Variants in PCCA observed in about 807,000 individuals in gnomAD.
PCCA encodes the protein propionyl-CoA carboxylase alpha chain, mitochondrial.
A neutral mutation model predicts 101.3 loss-of-function variants in PCCA; 74 were observed. The observed-to-expected ratio is 0.73, with a 90% CI of 0.61 to 0.89. The LOEUF (loss-of-function observed/expected upper bound fraction) is 0.89, where lower values mean the gene tolerates loss of function less well. Among genes scored for constraint, PCCA ranks in the 40% least tolerant of loss-of-function variants. The pLI is 0.00. For synonymous variants in PCCA, 294 were observed against 313.6 expected, an observed-to-expected ratio of 0.94 and a Z score of 0.66; for missense variants, 891 against 907.0, an observed-to-expected ratio of 0.98 and a Z score of 0.23.
chr13:100,431,347 G>A lies in PCCA; in HGVS notation c.1845+5616G>A, dbSNP rs902463972. Among the ~76,000 whole-genome samples, 23 of 151,898 alleles carry A rather than the reference G, an allele frequency of 1.5e-4. No homozygotes were observed. The East Asian group carries it at 2.7e-3, about 18-fold the overall frequency. On this transcript the variant is annotated intron_variant, in intron 20 of 23. Transcript: ENST00000376285. ...TCCTGCGTTATGGCTCCTTTTTGTC[G>A]TATGTGTTGATAAAGTAGCTTCTGT...
chr13:100,349,198 A>G (rs1229435899), intron 18 of PCCA, among the ~76,000 whole-genome samples: 1 of 151,808 alleles, frequency 6.6e-6, no homozygotes, highest in Non-Finnish European at 1.5e-5. Flanking sequence ...ATCTCAGCTC[A>G]CCGCAACCTC....
chr13:100,261,333 G>A (rs1594982908), intron 9 of PCCA, among the ~76,000 whole-genome samples: 4 of 151,700 alleles, frequency 2.6e-5, no homozygotes, highest in African/African-American at 9.7e-5. Context: ...ATTACTTTTA[G>A]GCAAGCAAGT....
chr13:100,135,472 T>A (rs2051047374), intron 4 of PCCA, among the ~76,000 whole-genome samples: 1 of 152,130 alleles, frequency 6.6e-6, no homozygotes, highest in Non-Finnish European at 1.5e-5. Flanking sequence ...AGTTGTACAT[T>A]GCTAGTAGTA....
At chr13:100,109,935 C>T (rs189946258) in intron 2 of PCCA, among the ~76,000 whole-genome samples, 14 of 152,240 alleles carry the variant, frequency 9.2e-5, no homozygotes, top group South Asian at 2.1e-4. Flanking sequence ...AGTTCGAGGC[C>T]GGCCTGACCA....
chr13:100,340,276 A>G lies in PCCA; in HGVS notation c.1643+17A>G, dbSNP rs1464651806. 2 of 1,220,686 alleles carry G rather than the reference A, an allele frequency of 1.6e-6. No homozygotes were observed. The highest frequency in any genetic ancestry group is 2.4e-6 in the Non-Finnish European group (2 of 821,200). 75.6% of individuals were successfully genotyped at this position (1,220,686 alleles called of 1,614,324 possible). ...AAATTCAAGGTATGGTAGATCATTT[A>G]AAACAGAATAAATGAGCAGAACAAT... On this transcript the variant is annotated intron_variant, in intron 18 of 23. Transcript: ENST00000376285.
intron 6 of PCCA, 107 bp downstream of exon 6, chr13:100,157,447 C>A: frequency 1.3e-6 from 1 of 757,166 alleles, no homozygotes; most frequent in South Asian, 1.5e-5. Flanking sequence ...TTTAATTAAC[C>A]CAGCAGTTCT....
chr13:100,177,493 A>G (rs913742246), intron 6 of PCCA, among the ~76,000 whole-genome samples: 15 of 152,222 alleles, frequency 9.9e-5, no homozygotes, highest in Admixed American at 8.5e-4. Flanking sequence ...TCTATTATTT[A>G]GTAAACATAT....
At chr13:100,098,332 T>C (rs2046965287) in intron 1 of PCCA, among the ~76,000 whole-genome samples, 1 of 152,212 alleles carries the variant, frequency 6.6e-6, no homozygotes, top group Admixed American at 6.5e-5. Flanking sequence ...ATTTTCTGGG[T>C]ACTAAGTTTT....
At position 100,360,636 on chromosome 13, in the gene PCCA, A is replaced by C. The variant is rs559568361; in HGVS notation, c.1644-7836A>C. 3.3e-5 allele frequency among the ~76,000 whole-genome samples: 5 copies of C among 152,324 alleles called. No homozygotes were observed. The South Asian group carries it at 1.0e-3, about 32-fold the overall frequency. Reference sequence around the variant, plus strand: ...AAGATACCACTACATACCTATTAGAATGTCTAAAATCCAGAACACCGAACA... The same window carrying C: ...AAGATACCACTACATACCTATTAGACTGTCTAAAATCCAGAACACCGAACA... On this transcript the variant is annotated intron_variant, in intron 18 of 23. Transcript: ENST00000376285.
At chr13:100,488,083 CTTT>C (rs983642570) in intron 21 of PCCA, among the ~76,000 whole-genome samples, 1 of 151,236 alleles carries the variant, frequency 6.6e-6, no homozygotes, top group African/African-American at 2.4e-5. Context: ...TGCCTCTGTG[CTTT>C]TTATTTATTT....
At chr13:100,320,469 A>G (rs1420823681) in intron 16 of PCCA, among the ~76,000 whole-genome samples, 1 of 152,112 alleles carries the variant, frequency 6.6e-6, no homozygotes, top group Admixed American at 6.6e-5. Flanking sequence ...GTTTGTCATA[A>G]ATAGCTCTTA....
intron 21 of PCCA, among the ~76,000 whole-genome samples, chr13:100,507,550 CTT>C (rs2086173224): frequency 6.6e-6 from 1 of 152,194 alleles, no homozygotes; most frequent in Non-Finnish European, 1.5e-5. Context: ...TTAGGCCTCT[CTT>C]ATGATACAAG....
intron 2 of PCCA, among the ~76,000 whole-genome samples, chr13:100,107,752 G>T (rs114959257): frequency 4.6e-5 from 7 of 152,224 alleles, no homozygotes; most frequent in South Asian, 2.1e-4. Context: ...AACTGACTTC[G>T]TGGGATTATT....
chr13:100,105,657 CAA>C (rs34277733), intron 2 of PCCA, among the ~76,000 whole-genome samples: 833 of 75,878 alleles, frequency 0.011, 4 homozygotes, highest in South Asian at 0.024. Context: ...CTGTCTCTAC[CAA>C]AAAAAAAAAA....
chr13:100,467,423 G>A (rs10467267), intron 21 of PCCA, among the ~76,000 whole-genome samples: 56 of 152,276 alleles, frequency 3.7e-4, no homozygotes, highest in African/African-American at 1.3e-3. Flanking sequence ...CCAGGCTGGA[G>A]TGCAGTGGCA....
chr13:100,324,243 C>T (rs1007732277), intron 16 of PCCA, among the ~76,000 whole-genome samples: 14 of 152,092 alleles, frequency 9.2e-5, no homozygotes, highest in Admixed American at 7.9e-4. Flanking sequence ...TCTGGATGAC[C>T]AAGATTAGAT....
intron 18 of PCCA, among the ~76,000 whole-genome samples, chr13:100,362,661 G>A (rs1273502345): frequency 1.3e-5 from 2 of 152,130 alleles, no homozygotes; most frequent in Admixed American, 1.3e-4. Flanking sequence ...GGTGGAAGAA[G>A]GAAAGGGAGT....
chr13:100,391,285 T>G (rs1004735234), intron 19 of PCCA, among the ~76,000 whole-genome samples: 9 of 152,174 alleles, frequency 5.9e-5, no homozygotes, highest in Admixed American at 1.3e-4. Flanking sequence ...GTTCCATTTT[T>G]ATATGAAAGG....
At chr13:100,393,675 C>T (rs1426357833) in intron 19 of PCCA, among the ~76,000 whole-genome samples, 1 of 152,000 alleles carries the variant, frequency 6.6e-6, no homozygotes, top group Non-Finnish European at 1.5e-5. Flanking sequence ...CCTCGGGCTC[C>T]CAAAGTGTTG....
Sources: gnomAD v4.1 joint callset for allele counts (sites outside exome capture counted in the v4.1 genomes callset) on GRCh38, gnomAD v4.1.1 for gene constraint, MANE v1.5 for transcripts, NCBI Gene and HGNC (gene_info 2026-07-23, HGNC 2026-07-21) for gene names.